The following WAPL variants were observed in gnomAD, a reference collection of about 807,000 sequenced individuals.
WAPL encodes WAPL cohesin release factor, also known as wings apart-like protein homolog.
WAPL carries 5 observed loss-of-function variants against 121.0 expected under a neutral mutation model. The ratio of observed to expected loss-of-function variants is 0.04; its 90% confidence interval spans 0.02 to 0.09. The LOEUF is 0.09. Among genes scored for constraint, WAPL ranks in the 10% least tolerant of loss-of-function variants. WAPL has a pLI of 1.00. For missense variants in WAPL, 999 were observed against 1,410.8 expected, an observed-to-expected ratio of 0.71 and a Z score of 4.68; for synonymous variants, 480 against 481.5, an observed-to-expected ratio of 1.00 and a Z score of 0.04.
chr10:86,485,481 G>A (rs1050560435), intron 4 of WAPL, among the ~76,000 whole-genome samples: 6 of 152,066 alleles, frequency 3.9e-5, no homozygotes, highest in African/African-American at 1.4e-4. Flanking sequence ...AGATTGCAGT[G>A]AGCTGAGACT....
rs1208174224 is a variant in WAPL at position 86,453,776 on chromosome 10, T to A, written c.2713A>T (p.Ile905Leu). The A allele has an allele frequency of 6.2e-7, 1 of 1,614,124 alleles. No individual in the cohort carries two copies. The highest frequency in any genetic ancestry group is 8.5e-7 in the Non-Finnish European group (1 of 1,180,032). Reference protein sequence around the residue: ...IQQYNRAEDSICLADSKPLPH... With the variant: ...IQQYNRAEDSLCLADSKPLPH... ...AGAGGCTTACTGTCAGCTAAGCATA[T>A]GCTGTCCTCAGCACGGTTGTACTGC... The change falls in exon 13 of 19, where the codon ATA becomes TTA. Residue 905 changes from isoleucine (I) to leucine (L), a missense_variant. Around this residue, in one of 7 missense-constraint regions of WAPL, gnomAD observed 85 missense variants for 133.5 expected, o/e 0.64. Coordinates refer to ENST00000298767, the MANE Select transcript of WAPL (RefSeq NM_015045.5).
chr10:86,449,280 T>A (rs1307243117), intron 15 of WAPL, among the ~76,000 whole-genome samples: 5 of 152,224 alleles, frequency 3.3e-5, no homozygotes, highest in Non-Finnish European at 5.9e-5. Flanking sequence ...TTCCACTCTA[T>A]CTTTGAATAA....
At chr10:86,518,528 T>C (rs977539357) in intron 1 of WAPL, among the ~76,000 whole-genome samples, 5 of 152,182 alleles carry the variant, frequency 3.3e-5, no homozygotes, top group Non-Finnish European at 7.3e-5. Flanking sequence ...CCCAACACGG[T>C]GAAACCCCAT....
intron 4 of WAPL, among the ~76,000 whole-genome samples, chr10:86,495,178 C>T (rs1038510200): frequency 6.6e-6 from 1 of 151,960 alleles, no homozygotes; most frequent in Non-Finnish European, 1.5e-5. Flanking sequence ...ACAAAAAAGG[C>T]GAAGTCAAAT....
chr10:86,486,808 T>C (rs1163184376), intron 4 of WAPL, among the ~76,000 whole-genome samples: 1 of 151,906 alleles, frequency 6.6e-6, no homozygotes. Context: ...TACAAAAAAT[T>C]AGCTGGACGC....
intron 2 of WAPL, among the ~76,000 whole-genome samples, chr10:86,509,238 C>T (rs1842411267): frequency 6.6e-6 from 1 of 152,196 alleles, no homozygotes; most frequent in Non-Finnish European, 1.5e-5. Flanking sequence ...ACATCTCAAA[C>T]CCAATGTACC....
intron 16 of WAPL, among the ~76,000 whole-genome samples, chr10:86,445,672 G>C (rs1589491892): frequency 6.6e-6 from 1 of 151,998 alleles, no homozygotes; most frequent in Non-Finnish European, 1.5e-5. Context: ...CTACAGGCTT[G>C]TGCCACCATG....
chr10:86,470,877 C>A, intron 8 of WAPL, 115 bp downstream of exon 8: 1 of 793,068 alleles, frequency 1.3e-6, no homozygotes, highest in Non-Finnish European at 1.9e-6. Context: ...ATAAAATGAA[C>A]TCAATCTATA....
intron 4 of WAPL, among the ~76,000 whole-genome samples, chr10:86,483,909 G>A (rs1381710421): frequency 1.3e-5 from 2 of 150,474 alleles, no homozygotes; most frequent in East Asian, 3.9e-4. Context: ...AGTAGAGATG[G>A]GGTTTCACCA....
chr10:86,514,625 C>T (rs956965928), intron 2 of WAPL, among the ~76,000 whole-genome samples: 1 of 152,196 alleles, frequency 6.6e-6, no homozygotes, highest in Non-Finnish European at 1.5e-5. Context: ...ATTAGAACTA[C>T]ATTTTAGCTA....
intron 2 of WAPL, among the ~76,000 whole-genome samples, chr10:86,514,891 A>G (rs1842526034): frequency 6.6e-6 from 1 of 152,166 alleles, no homozygotes. Context: ...AGCCCTGAGC[A>G]CTTTCACCAC....
At chr10:86,471,132 G>A (rs1841525092) in intron 7 of WAPL, 29 bp from the exon 8 acceptor site, 3 of 1,571,744 alleles carry the variant, frequency 1.9e-6, no homozygotes, top group Middle Eastern at 1.7e-4. Context: ...GGTTAGGGGG[G>A]CTGGAAACAG....
Position 86,443,296 on chromosome 10 carries a change from C to T in WAPL, c.3390G>A (p.Gly1130=). 6.2e-7 allele frequency: 1 copy of T among 1,613,886 alleles called. No homozygotes were observed. The highest frequency in any genetic ancestry group is 8.5e-7 in the Non-Finnish European group (1 of 1,179,904). The part of the protein sequence containing the change: ...IVASYTALLL[G]CLCQESPINV... ...TTACTGGACTTTCCTGGCAGAGACACCCAAGAAGTAGTGCTGTGTAGGAGG... is the reference window on the plus strand; with the variant it reads ...TTACTGGACTTTCCTGGCAGAGACATCCAAGAAGTAGTGCTGTGTAGGAGG... The change falls in exon 17 of 19, where the codon GGG becomes GGA. Residue 1130 remains glycine (G), a synonymous_variant. Coordinates refer to ENST00000298767, the MANE Select transcript of WAPL (RefSeq NM_015045.5).
intron 4 of WAPL, among the ~76,000 whole-genome samples, chr10:86,484,431 G>A (rs1841881199): frequency 6.6e-6 from 1 of 152,150 alleles, no homozygotes; most frequent in South Asian, 2.1e-4. Context: ...GGAGGTCAAG[G>A]CTGCAATGAA....
At chr10:86,473,138 A>T (rs1841571107) in intron 5 of WAPL, among the ~76,000 whole-genome samples, 1 of 152,260 alleles carries the variant, frequency 6.6e-6, no homozygotes, top group Admixed American at 6.5e-5. Flanking sequence ...AAAGAATTTT[A>T]GTAGCACAAG....
intron 4 of WAPL, among the ~76,000 whole-genome samples, chr10:86,481,012 C>A (rs561084359): frequency 6.6e-6 from 1 of 152,288 alleles, no homozygotes; most frequent in East Asian, 1.9e-4. Context: ...TTTGGGATTT[C>A]TTTTACAACA....
intron 16 of WAPL, 107 bp downstream of exon 16, chr10:86,446,135 C>G (rs1242433330): frequency 2.4e-6 from 3 of 1,263,630 alleles, no homozygotes; most frequent in Non-Finnish European, 3.3e-6. Context: ...GAGAGGTCCT[C>G]AAGCAATAGC....
At chr10:86,486,099 A>G (rs566781313) in intron 4 of WAPL, among the ~76,000 whole-genome samples, 3 of 152,198 alleles carry the variant, frequency 2.0e-5, no homozygotes, top group African/African-American at 2.4e-5. Context: ...TTCAGGCTTC[A>G]TATCAATTAA....
chr10:86,453,147 C>T, intron 14 of WAPL, 73 bp downstream of exon 14: 1 of 1,377,566 alleles, frequency 7.3e-7, no homozygotes, highest in Middle Eastern at 1.9e-4. Flanking sequence ...GTTCTTAAAC[C>T]CAAACTAAGG....
Sources: allele counts gnomAD v4.1 joint callset (sites outside exome capture counted in the v4.1 genomes callset), GRCh38; gene constraint gnomAD v4.1.1; regional missense constraint gnomAD v4.1.1; transcripts MANE v1.5; gene names NCBI Gene and HGNC (gene_info 2026-07-23, HGNC 2026-07-21).